Variants in SNX9 observed in about 807,000 individuals in gnomAD.
The protein encoded by SNX9 is sorting nexin-9.
In SNX9, 44 loss-of-function variants were observed where a neutral mutation model predicts 89.4. The ratio of observed to expected loss-of-function variants is 0.49; its 90% confidence interval spans 0.39 to 0.63. The LOEUF is 0.63. Ranked by LOEUF, SNX9 falls within the 30% of genes least tolerant of loss-of-function variation. SNX9 has a pLI of 0.00. For missense variants in SNX9, 578 were observed against 736.1 expected, an observed-to-expected ratio of 0.79 and a Z score of 2.49; for synonymous variants, 236 against 247.8, an observed-to-expected ratio of 0.95 and a Z score of 0.45.
At chr6:157,871,347 T>G (rs1782406093) in intron 2 of SNX9, among the ~76,000 whole-genome samples, 1 of 152,124 alleles carries the variant, frequency 6.6e-6, no homozygotes, top group African/African-American at 2.4e-5. Flanking sequence ...TGCCACTGCA[T>G]GTCAGCTTGG....
intron 4 of SNX9, 27 bp downstream of exon 4, chr6:157,875,203 G>A (rs1562601661): frequency 1.3e-6 from 2 of 1,592,800 alleles, no homozygotes. Flanking sequence ...CCTTCTGGAT[G>A]TGGCTGGCTT....
intron 9 of SNX9, among the ~76,000 whole-genome samples, chr6:157,917,708 G>A (rs547145311): frequency 1.3e-5 from 2 of 152,108 alleles, no homozygotes; most frequent in Non-Finnish European, 2.9e-5. Flanking sequence ...ATCATCTCTA[G>A]ATTAATTATA....
chr6:157,857,413 T>C (rs2115126267), intron 1 of SNX9, among the ~76,000 whole-genome samples: 1 of 152,318 alleles, frequency 6.6e-6, no homozygotes, highest in Middle Eastern at 3.4e-3. Flanking sequence ...TGAAAAATGC[T>C]GCTCGGAATT....
At chr6:157,886,342 GT>G (rs1476962346) in intron 4 of SNX9, among the ~76,000 whole-genome samples, 1 of 152,126 alleles carries the variant, frequency 6.6e-6, no homozygotes, top group Non-Finnish European at 1.5e-5. Flanking sequence ...GTGGTCAGCA[GT>G]TGCTAATTAG....
intron 1 of SNX9, among the ~76,000 whole-genome samples, chr6:157,852,770 C>T (rs1391152541): frequency 2.0e-5 from 3 of 152,084 alleles, no homozygotes; most frequent in Non-Finnish European, 2.9e-5. Context: ...GACAGGGTCT[C>T]TCCACGGTGC....
chr6:157,915,623 T>TAAAAAAAAAA (rs1172699831), intron 9 of SNX9, among the ~76,000 whole-genome samples: 4 of 71,254 alleles, frequency 5.6e-5, no homozygotes, highest in African/African-American at 2.2e-4. Context: ...CCATCTCTAC[T>TAAAAAAAAAA]AAAAAAAAAA....
chr6:157,838,471 T>G (rs981864518), intron 1 of SNX9, among the ~76,000 whole-genome samples: 1 of 152,236 alleles, frequency 6.6e-6, no homozygotes, highest in Non-Finnish European at 1.5e-5. Context: ...GGTAAAAGTA[T>G]GTATACATAG....
chr6:157,913,166 A>G lies in SNX9; in HGVS notation c.949+3141A>G, dbSNP rs533897055. ...AGGCACAAGGCTTTGTTTCTGCTTA[A>G]TCTACTGCTAGTAAATGCAAAGTTT... is the stretch of plus-strand genomic sequence containing the variant. On this transcript the variant is annotated intron_variant, in intron 9 of 17. Transcript: ENST00000392185. 3.3e-4 allele frequency among the ~76,000 whole-genome samples: 51 copies of G among 152,346 alleles called. 1 individual carries two copies. The South Asian group carries it at 0.01, about 30-fold the overall frequency.
intron 1 of SNX9, among the ~76,000 whole-genome samples, chr6:157,842,780 T>C (rs1341139273): frequency 6.6e-6 from 1 of 152,104 alleles, no homozygotes; most frequent in African/African-American, 2.4e-5. Context: ...TGATCTTAGG[T>C]TTTACAATAG....
chr6:157,940,543 A>C (rs1784016779), intron 16 of SNX9, among the ~76,000 whole-genome samples: 1 of 152,128 alleles, frequency 6.6e-6, no homozygotes, highest in Non-Finnish European at 1.5e-5. Context: ...TCGGCCTCCC[A>C]AGTAGCTGGG....
In SNX9 at chr6:157,901,884, A is replaced by G; in HGVS notation, c.473-14A>G. 6.4e-7 allele frequency: 1 copy of G among 1,564,382 alleles called. No homozygotes were observed. The highest frequency in any genetic ancestry group is 1.8e-4 in the Middle Eastern group (1 of 5,568). ...TTTTTTTTTTAACTGATGATCTTCC[A>G]TTTTCACCTCTAGCAACTGGTGATG... On this transcript the variant is annotated splice_polypyrimidine_tract_variant and intron_variant, in intron 5 of 17. Coordinates refer to ENST00000392185, the MANE Select transcript of SNX9 (RefSeq NM_016224.5).
intron 4 of SNX9, among the ~76,000 whole-genome samples, chr6:157,875,784 C>T (rs1012780490): frequency 2.0e-5 from 3 of 152,130 alleles, no homozygotes; most frequent in African/African-American, 4.8e-5. Context: ...TTGTCTAGTT[C>T]ATTTATTGCC....
At chr6:157,902,693 C>G (rs1467921390) in intron 6 of SNX9, among the ~76,000 whole-genome samples, 1 of 151,972 alleles carries the variant, frequency 6.6e-6, no homozygotes, top group African/African-American at 2.4e-5. Context: ...TTGAGACAGG[C>G]GTCTCGCTCT....
At chr6:157,914,514 T>C (rs1032629742) in intron 9 of SNX9, among the ~76,000 whole-genome samples, 9 of 135,664 alleles carry the variant, frequency 6.6e-5, no homozygotes, top group South Asian at 2.6e-4. Flanking sequence ...CTCACTGTCG[T>C]CGCCCAGGCT....
At chr6:157,914,018 A>G (rs1216380492) in intron 9 of SNX9, among the ~76,000 whole-genome samples, 1 of 152,170 alleles carries the variant, frequency 6.6e-6, no homozygotes, top group Admixed American at 6.5e-5. Context: ...GAGTAAAATG[A>G]CTGGGTCATT....
chr6:157,892,147 G>A (rs544848702), intron 4 of SNX9, among the ~76,000 whole-genome samples: 7 of 152,218 alleles, frequency 4.6e-5, no homozygotes, highest in Non-Finnish European at 8.8e-5. Flanking sequence ...ACAGAGAGGC[G>A]CCACAGGATG....
chr6:157,897,057 G>C, intron 5 of SNX9, 59 bp downstream of exon 5: 1 of 1,481,656 alleles, frequency 6.7e-7, no homozygotes, highest in South Asian at 1.4e-5. Flanking sequence ...GGAGAGACAG[G>C]GAAGACCGAA....
chr6:157,860,035 G>A (rs764600964), intron 1 of SNX9, among the ~76,000 whole-genome samples: 1 of 152,170 alleles, frequency 6.6e-6, no homozygotes, highest in Non-Finnish European at 1.5e-5. Context: ...TATATTGTCT[G>A]TGGTGGCTTT....
intron 1 of SNX9, among the ~76,000 whole-genome samples, chr6:157,840,432 TCTTTCCTTTCTTTC>T (rs1781679742): frequency 7.2e-6 from 1 of 138,596 alleles, no homozygotes; most frequent in Admixed American, 7.0e-5. Context: ...TTCTTTCTTT[TCTTTCCTTTCTTTC>T]CTTTCCTTCC....
Sources: gnomAD v4.1 joint callset for allele counts (sites outside exome capture counted in the v4.1 genomes callset) on GRCh38, gnomAD v4.1.1 for gene constraint, MANE v1.5 for transcripts, NCBI Gene and HGNC (gene_info 2026-07-23, HGNC 2026-07-21) for gene names.